The following GALNT11 variants were observed in gnomAD, a reference collection of about 807,000 sequenced individuals.
GALNT11 encodes polypeptide N-acetylgalactosaminyltransferase 11.
In GALNT11, 47 loss-of-function variants were observed where a neutral mutation model predicts 72.7. The ratio of observed to expected loss-of-function variants is 0.65; its 90% CI spans 0.51 to 0.82. The LOEUF is 0.82. Among genes scored for constraint, GALNT11 ranks in the 40% least tolerant of loss-of-function variants. The pLI is 0.00. For missense variants in GALNT11, 677 were observed against 778.4 expected, an observed-to-expected ratio of 0.87 and a Z score of 1.55; for synonymous variants, 270 against 286.6, an observed-to-expected ratio of 0.94 and a Z score of 0.58.
intron 1 of GALNT11, among the ~76,000 whole-genome samples, chr7:152,088,289 C>G (rs189663960): frequency 9.2e-4 from 140 of 152,204 alleles, no homozygotes; most frequent in African/African-American, 3.2e-3. Flanking sequence ...TAGAGATGCT[C>G]TTTGTCAGGC....
chr7:152,089,953 C>T lies in GALNT11; in HGVS notation c.-38-4237C>T, dbSNP rs189457341. 2.1e-3 allele frequency among the ~76,000 whole-genome samples: 316 copies of T among 152,300 alleles called. 1 individual carries two copies. The highest frequency in any genetic ancestry group is 2.8e-3 in the Non-Finnish European group (193 of 68,010). On this transcript the variant is annotated intron_variant, in intron 1 of 11. Transcript: ENST00000430044. ...ATCGAGGAAGTCATGAATTTTGCGA[C>T]GTCTGGCCACATGACTCCCGAGCAG...
Position 152,121,732 on chromosome 7 carries a change from T to C in GALNT11, c.*55T>C. The C allele has an allele frequency of 1.3e-6, 2 of 1,579,446 alleles. No individual in the cohort carries two copies. The highest frequency in any genetic ancestry group is 1.7e-6 in the Non-Finnish European group (2 of 1,160,448). ...ATCAGGCGTTGCCTCCGGTGTGGAG[T>C]TTGGGGCTTTAGGAAAGCCTGGGTT... On this transcript the variant is annotated 3_prime_UTR_variant, in exon 12 of 12. Transcript: ENST00000430044.
intron 1 of GALNT11, among the ~76,000 whole-genome samples, chr7:152,090,549 G>C (rs113948732): frequency 6.6e-6 from 1 of 152,114 alleles, no homozygotes; most frequent in Non-Finnish European, 1.5e-5. Context: ...TAGTTACTTC[G>C]TTACCATTGG....
intron 6 of GALNT11, among the ~76,000 whole-genome samples, chr7:152,109,454 T>G (rs2087947747): frequency 6.6e-6 from 1 of 152,250 alleles, no homozygotes; most frequent in South Asian, 2.1e-4. Flanking sequence ...TTGGTCTTGT[T>G]TTTAAAAAGT....
intron 1 of GALNT11, among the ~76,000 whole-genome samples, chr7:152,031,748 T>C (rs1177262489): frequency 1.3e-5 from 2 of 152,186 alleles, no homozygotes; most frequent in African/African-American, 2.4e-5. Flanking sequence ...GGCTTAAAGC[T>C]GGAGCTTGTA....
At chr7:152,038,229 C>A (rs914479523) in intron 1 of GALNT11, among the ~76,000 whole-genome samples, 2 of 152,266 alleles carry the variant, frequency 1.3e-5, no homozygotes. Flanking sequence ...AATCAGGGGC[C>A]TCACAGCCTT....
At chr7:152,042,928 G>A (rs545383916) in intron 1 of GALNT11, among the ~76,000 whole-genome samples, 1 of 152,320 alleles carries the variant, frequency 6.6e-6, no homozygotes, top group South Asian at 2.1e-4. Flanking sequence ...GTGCTGTAGA[G>A]AAAGGATTGA....
At chr7:152,034,892 G>A (rs764066295) in intron 1 of GALNT11, among the ~76,000 whole-genome samples, 3 of 152,114 alleles carry the variant, frequency 2.0e-5, no homozygotes, top group Non-Finnish European at 2.9e-5. Context: ...AAAGAGGACC[G>A]AGAAAAATTG....
At chr7:152,026,351 G>A (rs1308762484) in intron 1 of GALNT11, among the ~76,000 whole-genome samples, 1 of 152,200 alleles carries the variant, frequency 6.6e-6, no homozygotes, top group Non-Finnish European at 1.5e-5. Flanking sequence ...TGGGAGCTGC[G>A]TCAGGCAAAC....
intron 1 of GALNT11, among the ~76,000 whole-genome samples, chr7:152,032,629 T>C (rs2082359054): frequency 6.6e-6 from 1 of 152,216 alleles, no homozygotes; most frequent in Non-Finnish European, 1.5e-5. Context: ...TTAAGGGATA[T>C]TGCCTTTGAT....
chr7:152,063,073 C>G (rs1447136966), intron 1 of GALNT11, among the ~76,000 whole-genome samples: 1 of 152,148 alleles, frequency 6.6e-6, no homozygotes, highest in Non-Finnish European at 1.5e-5. Flanking sequence ...TGGTAGAATT[C>G]AACTGTGAAT....
At chr7:152,029,104 C>T (rs62480051) in intron 1 of GALNT11, among the ~76,000 whole-genome samples, 2,881 of 152,228 alleles carry the variant, frequency 0.019, 45 homozygotes, top group South Asian at 0.039. Flanking sequence ...GCATCTCATA[C>T]TATCCCTGAC....
chr7:152,031,702 C>G (rs975302135), intron 1 of GALNT11, among the ~76,000 whole-genome samples: 1 of 152,228 alleles, frequency 6.6e-6, no homozygotes, highest in African/African-American at 2.4e-5. Flanking sequence ...CCTGCTCTCT[C>G]TGTGATGTAT....
intron 8 of GALNT11, among the ~76,000 whole-genome samples, chr7:152,115,723 T>G (rs2088772126): frequency 6.6e-6 from 1 of 152,228 alleles, no homozygotes; most frequent in Non-Finnish European, 1.5e-5. Flanking sequence ...TTGAAAAACT[T>G]ACATTTACCG....
At position 152,110,512 on chromosome 7, in the gene GALNT11, A is replaced by AT. The variant is rs1194354071; in HGVS notation, c.963-12dup. 1.3e-6 allele frequency: 2 copies of AT among 1,588,588 alleles called. No individual in the cohort carries two copies. The highest frequency in any genetic ancestry group is 1.7e-6 in the Non-Finnish European group (2 of 1,159,320). ...CTGACTATAAGGAATGAGTACAGTA[A>AT]TTTTCCTTTTTCTAGGTCACCAACA... On this transcript the variant is annotated splice_polypyrimidine_tract_variant and intron_variant, in intron 6 of 11. Transcript: ENST00000430044.
At chr7:152,038,669 A>G (rs1455215800) in intron 1 of GALNT11, among the ~76,000 whole-genome samples, 1 of 152,204 alleles carries the variant, frequency 6.6e-6, no homozygotes. Flanking sequence ...TGTCATGGTG[A>G]GCTACTTCTT....
chr7:152,057,641 A>G (rs891579953), intron 1 of GALNT11, among the ~76,000 whole-genome samples: 4 of 152,102 alleles, frequency 2.6e-5, no homozygotes, highest in African/African-American at 9.7e-5. Flanking sequence ...AAAATAATCT[A>G]TGTCCTGACC....
Position 152,049,813 on chromosome 7 carries a change from G to A in GALNT11, c.-39+23929G>A, listed in dbSNP as rs377689426. ...TCTACCTGGTGCTCTATTCTACTGCGGCTGAGCTGGCACCCAAGCCTTCCC... is the reference window on the plus strand; with the variant it reads ...TCTACCTGGTGCTCTATTCTACTGCAGCTGAGCTGGCACCCAAGCCTTCCC... On this transcript the variant is annotated intron_variant, in intron 1 of 11. Coordinates refer to ENST00000430044, the MANE Select transcript of GALNT11 (RefSeq NM_022087.4). Among the ~76,000 whole-genome samples, 57 of 152,194 alleles carry A rather than the reference G, an allele frequency of 3.7e-4. No individual in the cohort carries two copies. The South Asian group carries it at 9.8e-3, about 26-fold the overall frequency.
At chr7:152,034,515 A>G (rs1029538127) in intron 1 of GALNT11, among the ~76,000 whole-genome samples, 4 of 152,170 alleles carry the variant, frequency 2.6e-5, no homozygotes, top group Admixed American at 2.6e-4. Flanking sequence ...AATTGGTCCC[A>G]GTGGCTTAGG....
Sources: gnomAD v4.1 joint callset for allele counts (sites outside exome capture counted in the v4.1 genomes callset) on GRCh38, gnomAD v4.1.1 for gene constraint, MANE v1.5 for transcripts, NCBI Gene and HGNC (gene_info 2026-07-23, HGNC 2026-07-21) for gene names.